The following TXNRD3 variants were observed in gnomAD, a reference collection of about 807,000 sequenced individuals.
TXNRD3 encodes TXNRD3 neighbor gene protein.
TXNRD3 carries 68 observed loss-of-function variants against 78.2 expected under a neutral mutation model. The ratio of observed to expected loss-of-function variants is 0.87; its 90% CI spans 0.72 to 1.06. The LOEUF is 1.06. TXNRD3 is among the 50% of genes least tolerant of loss of function. TXNRD3 has a pLI of 0.00. For missense variants in TXNRD3, 751 were observed against 809.5 expected (o/e 0.93, Z 0.88); for synonymous variants, 296 against 300.1 (o/e 0.99, Z 0.14).
intron 15 of TXNRD3, among the ~76,000 whole-genome samples, chr3:126,608,288 G>A (rs1938105140): frequency 6.6e-6 from 1 of 152,184 alleles, no homozygotes; most frequent in African/African-American, 2.4e-5. Context: ...TTGCACCTGG[G>A]AGGTGGAGGT....
chr3:126,646,925 T>G lies in TXNRD3; in HGVS notation c.304+311A>C, dbSNP rs6795878. Among the ~76,000 whole-genome samples, 392 of 152,340 alleles carry G rather than the reference T, an allele frequency of 2.6e-3. 2 individuals carry two copies. Among genetic ancestry groups the G allele is most frequent in the African/African-American group, 9.1e-3 (379 of 41,576 alleles). On this transcript the variant is annotated intron_variant, in intron 2 of 15. Transcript: ENST00000524230. ...AGGAAATGGGAGCGGATCCTTTTCA[T>G]TTGTTACAGCTTTATCTGTTCTGCT...
chr3:126,642,058 T>C lies in TXNRD3; in HGVS notation c.686A>G (p.Lys229Arg). 6.5e-7 allele frequency: 1 copy of C among 1,535,902 alleles called. No individual in the cohort carries two copies. The highest frequency in any genetic ancestry group is 8.7e-7 in the Non-Finnish European group (1 of 1,146,796). ...TTGTTGATTATATTCCCAGCCAAAT[T>C]TCCTTGAGTCACATAATGCCTGCCC... The change falls in exon 6 of 16, where the codon AAA becomes AGA. Residue 229 changes from lysine (K) to arginine (R), a missense_variant. By Grantham distance (26) the Lys-to-Arg change is conservative (BLOSUM62 2). Transcript: ENST00000524230.
intron 6 of TXNRD3, among the ~76,000 whole-genome samples, chr3:126,639,367 G>A (rs1314981138): frequency 2.6e-5 from 4 of 152,044 alleles, no homozygotes; most frequent in Middle Eastern, 3.4e-3. Flanking sequence ...GTTACTATAG[G>A]TATTAAAATA....
intron 6 of TXNRD3, among the ~76,000 whole-genome samples, chr3:126,638,824 A>C (rs1932985368): frequency 6.6e-6 from 1 of 152,254 alleles, no homozygotes; most frequent in Admixed American, 6.5e-5. Flanking sequence ...GAAATTAGAA[A>C]GTATTTAGAA....
In TXNRD3 at chr3:126,640,094, C is replaced by CTTTTTTT. The variant is rs747114940; in HGVS notation, c.712+1931_712+1937dup. ...AATAAACCAAAGCTGCTTGTGTTTT[C>CTTTTTTT]TTTTTTTTTTTTTTTTTTTTTTTTT... On this transcript the variant is annotated intron_variant, in intron 6 of 15. Coordinates refer to ENST00000524230, the MANE Select transcript of TXNRD3 (RefSeq NM_052883.3). Among the ~76,000 whole-genome samples the CTTTTTTT allele has an allele frequency of 9.1e-4, 13 of 14,310 alleles. 2 individuals carry two copies. The highest frequency in any genetic ancestry group is 1.5e-3 in the Non-Finnish European group (7 of 4,718). The allele number at this position is 14,310 out of a possible 152,430, so 9.4% of individuals were successfully genotyped here.
chr3:126,611,128 T>C lies in TXNRD3; in HGVS notation c.1637A>G (p.Tyr546Cys). 8 of 1,515,184 alleles carry C rather than the reference T, an allele frequency of 5.3e-6. No homozygotes were observed. The highest frequency in any genetic ancestry group is 5.3e-6 in the Non-Finnish European group (6 of 1,136,000). The allele number at this position is 1,515,184 out of a possible 1,614,324, so 93.9% of individuals were successfully genotyped here. A position where few individuals can be genotyped will look rare whatever the true frequency, so the allele number is the denominator to read the frequency against. Residue 546 changes from tyrosine (Y) to cysteine (C), a missense_variant, in exon 14 of 16, where the codon TAT becomes TGT. By Grantham distance (194) the Tyr-to-Cys change is radical. Transcript: ENST00000524230. ...TTCAAGAGGCCAGAACAAAGTATGA[T>C]ATATCTGGAAGATAAAAGAGAGAAA...
chr3:126,631,553 A>C (rs1337439697), intron 8 of TXNRD3, among the ~76,000 whole-genome samples: 2 of 152,032 alleles, frequency 1.3e-5, no homozygotes, highest in Non-Finnish European at 2.9e-5. Flanking sequence ...CACACACGGC[A>C]TATTTTTGTA....
chr3:126,630,156 G>A (rs957021184), intron 9 of TXNRD3, among the ~76,000 whole-genome samples: 7 of 152,234 alleles, frequency 4.6e-5, no homozygotes, highest in African/African-American at 9.7e-5. Context: ...CAGTTTCAGC[G>A]CATGCTGCCA....
In TXNRD3 at chr3:126,607,281, TAGTG is replaced by T. The variant is rs1385553241; in HGVS notation, c.*620_*623del. 1 of 152,276 alleles carries T rather than the reference TAGTG, an allele frequency of 6.6e-6. No homozygotes were observed. The highest frequency in any genetic ancestry group is 6.5e-5 in the Admixed American group (1 of 15,280). 9.4% of individuals were successfully genotyped at this position (152,276 alleles called of 1,614,324 possible). The stretch of plus-strand genomic sequence containing the variant: ...TAGCTTCAAGGTTATCACCACCAAG[TAGTG>T]AGTGTGAGGGTGAAGCATGAGTCAG... On this transcript the variant is annotated 3_prime_UTR_variant, in exon 16 of 16. Coordinates refer to ENST00000524230, the MANE Select transcript of TXNRD3 (RefSeq NM_052883.3).
chr3:126,611,908 T>C (rs1301823389), intron 13 of TXNRD3, among the ~76,000 whole-genome samples: 2 of 152,182 alleles, frequency 1.3e-5, no homozygotes, highest in Admixed American at 6.5e-5. Context: ...TGCTGGTGCA[T>C]GTAGAGTTAA....
chr3:126,611,337 T>C (rs569816933), intron 13 of TXNRD3, among the ~76,000 whole-genome samples: 77 of 152,312 alleles, frequency 5.1e-4, no homozygotes, highest in Admixed American at 9.8e-4. Context: ...GACTGTTGTT[T>C]TGCTTGTTTG....
chr3:126,611,573 C>G (rs1938199842), intron 13 of TXNRD3, among the ~76,000 whole-genome samples: 3 of 152,204 alleles, frequency 2.0e-5, no homozygotes, highest in Admixed American at 2.0e-4. Context: ...AGCTCCAGAA[C>G]CCAGCCATGG....
chr3:126,654,286 G>A (rs1249607069), intron 1 of TXNRD3, among the ~76,000 whole-genome samples: 1 of 152,158 alleles, frequency 6.6e-6, no homozygotes, highest in Non-Finnish European at 1.5e-5. Flanking sequence ...TCTGTAAAAT[G>A]AAGTAAATTC....
intron 13 of TXNRD3, among the ~76,000 whole-genome samples, chr3:126,611,399 A>G (rs777240): frequency 0.2 from 30,419 of 152,176 alleles, 3,302 homozygotes; most frequent in Admixed American, 0.29. Flanking sequence ...TCAAACATGT[A>G]TAGAGTACCA....
chr3:126,622,536 A>G lies in TXNRD3; in HGVS notation c.1295T>C (p.Leu432Ser). ...ACAGGAGTCACGACCAATAGCTAAC[A>G]AAACCTGCATTTGCAGAGAAATCAA... The change falls in exon 11 of 16, where the codon TTG becomes TCG. Residue 432 changes from leucine (L) to serine (S), a missense_variant. Physicochemically the swap from Leu to Ser is moderately radical, Grantham distance 145. Transcript: ENST00000524230. 6.5e-7 allele frequency: 1 copy of G among 1,531,160 alleles called. No individual in the cohort carries two copies. Among genetic ancestry groups the G allele is most frequent in the Non-Finnish European group, 8.7e-7 (1 of 1,145,700 alleles). The allele number at this position is 1,531,160 out of a possible 1,614,324, so 94.8% of individuals were successfully genotyped here. A position where few individuals can be genotyped will look rare whatever the true frequency, so the allele number is the denominator to read the frequency against.
chr3:126,640,883 C>A lies in TXNRD3; in HGVS notation c.712+1149G>T, dbSNP rs372758641. Among the ~76,000 whole-genome samples the A allele has an allele frequency of 1.1e-3, 166 of 147,568 alleles. 1 individual carries two copies. Among genetic ancestry groups the A allele is most frequent in the African/African-American group, 3.7e-3 (151 of 40,330 alleles). The stretch of plus-strand genomic sequence containing the variant: ...AACTTGTGTAAAAAAAAAAAAAAAA[C>A]TCTCCGACAAACAGAGGTGGGGAAG... On this transcript the variant is annotated intron_variant, in intron 6 of 15. Transcript: ENST00000524230.
chr3:126,646,459 G>A (rs987007676), intron 2 of TXNRD3, among the ~76,000 whole-genome samples: 1 of 152,152 alleles, frequency 6.6e-6, no homozygotes, highest in African/African-American at 2.4e-5. Context: ...ATTAGATTTT[G>A]ACATATTATT....
intron 1 of TXNRD3, among the ~76,000 whole-genome samples, chr3:126,650,221 G>C (rs1299721846): frequency 3.9e-5 from 6 of 152,188 alleles, no homozygotes; most frequent in Admixed American, 3.9e-4. Context: ...AACTAGTCTA[G>C]CTGCCTCTAC....
chr3:126,643,805 C>T (rs1374389759), intron 5 of TXNRD3, among the ~76,000 whole-genome samples, 176 bp downstream of exon 5: 1 of 152,054 alleles, frequency 6.6e-6, no homozygotes, highest in Non-Finnish European at 1.5e-5. Flanking sequence ...CTGGGCCTCT[C>T]AAAGTGCTGG....
Sources: allele counts gnomAD v4.1 joint callset (sites outside exome capture counted in the v4.1 genomes callset), GRCh38; gene constraint gnomAD v4.1.1; transcripts MANE v1.5; gene names NCBI Gene and HGNC (gene_info 2026-07-23, HGNC 2026-07-21).